TOX3: variants seen among roughly 807,000 people sequenced by gnomAD.
The protein encoded by TOX3 is TOX high mobility group box family member 3, also known as CAG trinucleotide repeat-containing gene F9 protein.
A neutral mutation model predicts 64.3 loss-of-function variants in TOX3; 22 were observed. That is an observed-to-expected ratio of 0.34 (90% CI 0.24 to 0.49). The LOEUF is 0.49. Ranked by LOEUF, TOX3 falls within the 20% of genes least tolerant of loss-of-function variation. The pLI is 0.99. For missense variants in TOX3, 661 were observed against 714.4 expected (o/e 0.93, Z 0.85); for synonymous variants, 291 against 273.6 (o/e 1.06, Z -0.63).
upstream of TOX3, among the ~76,000 whole-genome samples, chr16:52,547,195 C>A (rs2151495087): frequency 7.3e-6 from 1 of 136,766 alleles, no homozygotes; most frequent in South Asian, 2.4e-4. Flanking sequence ...AGCCGCCGGT[C>A]CCCTCCCCGC....
At chr16:52,545,016 A>G (rs1963146346) in intron 1 of TOX3, among the ~76,000 whole-genome samples, 1 of 152,238 alleles carries the variant, frequency 6.6e-6, no homozygotes, top group South Asian at 2.1e-4. Flanking sequence ...TTGTAAGGAG[A>G]TAAATAATAC....
intron 1 of TOX3, among the ~76,000 whole-genome samples, chr16:52,492,564 A>ATATATAT: frequency 1.1e-5 from 1 of 90,682 alleles, no homozygotes; most frequent in South Asian, 4.0e-4. Context: ...GTTGTATATA[A>ATATATAT]ATATATATAT....
intron 1 of TOX3, among the ~76,000 whole-genome samples, chr16:52,486,168 C>T (rs1204021079): frequency 6.6e-6 from 1 of 152,072 alleles, no homozygotes; most frequent in Non-Finnish European, 1.5e-5. Flanking sequence ...GAAGGGAGAA[C>T]ATCCCAAGGG....
chr16:52,516,390 T>C (rs1390704293), intron 1 of TOX3, among the ~76,000 whole-genome samples: 1 of 152,214 alleles, frequency 6.6e-6, no homozygotes. Flanking sequence ...ATTCATCAGT[T>C]ACATGCATTT....
intron 1 of TOX3, among the ~76,000 whole-genome samples, chr16:52,493,097 A>G (rs773723878): frequency 6.6e-6 from 1 of 152,172 alleles, no homozygotes; most frequent in African/African-American, 2.4e-5. Context: ...TACCTGCAAA[A>G]GACTATACAG....
chr16:52,458,356 C>T (rs193215481), intron 3 of TOX3, among the ~76,000 whole-genome samples: 9 of 152,068 alleles, frequency 5.9e-5, no homozygotes, highest in Admixed American at 3.9e-4. Context: ...TTGCAAAGGA[C>T]GACAAGGGCT....
At chr16:52,477,065 T>C (rs1234223947) in intron 1 of TOX3, among the ~76,000 whole-genome samples, 5 of 152,158 alleles carry the variant, frequency 3.3e-5, no homozygotes, top group African/African-American at 1.2e-4. Context: ...ATATGAATGA[T>C]CCCATCATCT....
chr16:52,504,995 C>T (rs1008139022), intron 1 of TOX3, among the ~76,000 whole-genome samples: 7 of 152,004 alleles, frequency 4.6e-5, no homozygotes, highest in African/African-American at 1.5e-4. Context: ...CCACCACGCC[C>T]GGCTAATTTT....
intron 1 of TOX3, among the ~76,000 whole-genome samples, chr16:52,520,920 CTTTT>C (rs1019642527): frequency 3.7e-4 from 57 of 152,146 alleles, no homozygotes; most frequent in African/African-American, 1.2e-3. Flanking sequence ...AATTAATATG[CTTTT>C]TTGTTAACAA....
intron 1 of TOX3, among the ~76,000 whole-genome samples, chr16:52,485,206 G>A (rs1445222951): frequency 3.9e-5 from 5 of 129,640 alleles, no homozygotes; most frequent in African/African-American, 1.7e-4. Context: ...GTGTGTATAT[G>A]TGTGTGTGTA....
At chr16:52,464,473 G>T (rs1190200777) in intron 2 of TOX3, among the ~76,000 whole-genome samples, 1 of 152,050 alleles carries the variant, frequency 6.6e-6, no homozygotes, top group Non-Finnish European at 1.5e-5. Flanking sequence ...GTTGTTAGTT[G>T]GAGCATATAA....
intron 1 of TOX3, among the ~76,000 whole-genome samples, chr16:52,515,009 C>A (rs1962412504): frequency 3.5e-5 from 1 of 28,218 alleles, no homozygotes. Flanking sequence ...GAGACTCCAT[C>A]TCAAAAAAAA....
At chr16:52,535,884 C>T (rs1316318352) in intron 1 of TOX3, among the ~76,000 whole-genome samples, 2 of 152,190 alleles carry the variant, frequency 1.3e-5, no homozygotes, top group African/African-American at 2.4e-5. Flanking sequence ...AAAATGTAAA[C>T]TTAAACACTT....
intron 1 of TOX3, among the ~76,000 whole-genome samples, chr16:52,506,726 C>A (rs950578769): frequency 3.3e-5 from 5 of 151,996 alleles, no homozygotes; most frequent in Non-Finnish European, 7.4e-5. Context: ...ATTGGAGAGG[C>A]CTCCAACAAT....
At chr16:52,449,301 C>G (rs190549987) in intron 4 of TOX3, among the ~76,000 whole-genome samples, 1 of 152,304 alleles carries the variant, frequency 6.6e-6, no homozygotes, top group East Asian at 1.9e-4. Context: ...CTATTTCTCT[C>G]TTCCCCCATA....
chr16:52,450,221 C>A, intron 4 of TOX3, 56 bp downstream of exon 4: 4 of 1,595,464 alleles, frequency 2.5e-6, no homozygotes, highest in South Asian at 1.1e-5. Flanking sequence ...ATTCAAACAG[C>A]ATGGGGTAAT....
At chr16:52,540,427 C>A (rs1293808699) in intron 1 of TOX3, among the ~76,000 whole-genome samples, 2 of 151,918 alleles carry the variant, frequency 1.3e-5, no homozygotes. Flanking sequence ...TATATATATT[C>A]CTCGAATGCA....
At chr16:52,511,121 T>C (rs780820982) in intron 1 of TOX3, among the ~76,000 whole-genome samples, 2 of 152,094 alleles carry the variant, frequency 1.3e-5, no homozygotes, top group Non-Finnish European at 2.9e-5. Flanking sequence ...CATCTGAGCA[T>C]CGACATGACA....
At chr16:52,536,400 A>T (rs1391872380) in intron 1 of TOX3, among the ~76,000 whole-genome samples, 1 of 151,526 alleles carries the variant, frequency 6.6e-6, no homozygotes, top group South Asian at 2.1e-4. Context: ...ACATTTGGGG[A>T]GAGGGCTCTA....
Sources: allele counts gnomAD v4.1 joint callset (sites outside exome capture counted in the v4.1 genomes callset), GRCh38; gene constraint gnomAD v4.1.1; transcripts MANE v1.5; gene names NCBI Gene and HGNC (gene_info 2026-07-23, HGNC 2026-07-21).